The following NCKAP5 variants were observed in gnomAD, a reference collection of about 807,000 sequenced individuals.
NCKAP5 encodes the protein NCK associated protein 5.
Under a neutral mutation model 167.0 loss-of-function variants are expected in NCKAP5, and 92 were observed. That is an observed-to-expected ratio of 0.55 (90% CI 0.47 to 0.66). The LOEUF (loss-of-function observed/expected upper bound fraction) is 0.66, where lower values mean the gene tolerates loss of function less well. Among genes scored for constraint, NCKAP5 ranks in the 30% least tolerant of loss-of-function variants. NCKAP5 has a pLI of 0.00. For missense variants in NCKAP5, 2,378 were observed against 2,315.0 expected (o/e 1.03, Z -0.56); for synonymous variants, 891 against 877.4 (o/e 1.02, Z -0.27).
intron 4 of NCKAP5, among the ~76,000 whole-genome samples, chr2:133,223,671 A>G (rs2086758060): frequency 6.6e-6 from 1 of 152,172 alleles, no homozygotes; most frequent in South Asian, 2.1e-4. Flanking sequence ...AAACTTTAAA[A>G]CAGCAACAAA....
chr2:132,700,737 G>T (rs1558941070), intron 19 of NCKAP5, among the ~76,000 whole-genome samples: 1 of 152,162 alleles, frequency 6.6e-6, no homozygotes, highest in Non-Finnish European at 1.5e-5. Context: ...GCCAGGCAAT[G>T]AGTAAGAAAT....
At chr2:133,584,263 T>C in the NCKAP5 span, among the ~76,000 whole-genome samples, 9 of 152,330 alleles carry the variant, frequency 5.9e-5, no homozygotes, top group East Asian at 1.7e-3. Context: ...AAGAAAGCTC[T>C]GCACTTTTCA....
At chr2:133,010,679 T>C (rs748078226) in intron 6 of NCKAP5, among the ~76,000 whole-genome samples, 40 of 152,328 alleles carry the variant, frequency 2.6e-4, no homozygotes, top group Middle Eastern at 6.8e-3. Flanking sequence ...CCAATACCAA[T>C]AACCACAACA....
intron 3 of NCKAP5, among the ~76,000 whole-genome samples, chr2:133,462,911 C>T (rs1311118267): frequency 6.6e-6 from 1 of 152,176 alleles, no homozygotes; most frequent in Non-Finnish European, 1.5e-5. Context: ...GCTGAGCCAG[C>T]CCTCTCATTA....
intron 3 of NCKAP5, among the ~76,000 whole-genome samples, chr2:133,330,244 ATTTTTTTTTT>A (rs765058418): frequency 2.3e-5 from 2 of 88,152 alleles, no homozygotes; most frequent in East Asian, 6.6e-4. Context: ...TATTTTTTGT[ATTTTTTTTTT>A]TTTTTTTTTT....
At chr2:132,932,444 C>A (rs993663502) in intron 8 of NCKAP5, among the ~76,000 whole-genome samples, 9 of 151,990 alleles carry the variant, frequency 5.9e-5, no homozygotes, top group African/African-American at 2.2e-4. Context: ...GAGTGAAAAG[C>A]AATTTTAAAA....
At chr2:133,121,046 C>T (rs2082234455) in intron 6 of NCKAP5, among the ~76,000 whole-genome samples, 2 of 152,052 alleles carry the variant, frequency 1.3e-5, no homozygotes, top group African/African-American at 4.8e-5. Flanking sequence ...CCTGGATAGG[C>T]AGCGACCTTT....
At chr2:132,810,169 G>A (rs565940364) in intron 11 of NCKAP5, among the ~76,000 whole-genome samples, 1 of 152,158 alleles carries the variant, frequency 6.6e-6, no homozygotes, top group Non-Finnish European at 1.5e-5. Context: ...AATCTTATAG[G>A]CTTTCCTTTC....
At chr2:133,464,837 G>A (rs1224991747) in intron 3 of NCKAP5, among the ~76,000 whole-genome samples, 1 of 152,004 alleles carries the variant, frequency 6.6e-6, no homozygotes, top group Non-Finnish European at 1.5e-5. Context: ...TTCAACTTAA[G>A]AAGAGAACTT....
intron 5 of NCKAP5, among the ~76,000 whole-genome samples, chr2:133,131,578 G>A (rs2082603676): frequency 1.3e-5 from 2 of 152,020 alleles, no homozygotes; most frequent in South Asian, 4.1e-4. Flanking sequence ...TTCTGAAGCT[G>A]GCCTTTTGCT....
chr2:132,741,482 C>A (rs545208483), intron 16 of NCKAP5, among the ~76,000 whole-genome samples: 17 of 152,042 alleles, frequency 1.1e-4, no homozygotes, highest in South Asian at 6.2e-4. Context: ...CTTAGGAACT[C>A]ACAGTTGGAT....
intron 4 of NCKAP5, among the ~76,000 whole-genome samples, chr2:133,240,910 C>T (rs1409146303): frequency 6.6e-6 from 1 of 152,186 alleles, no homozygotes; most frequent in Non-Finnish European, 1.5e-5. Flanking sequence ...CATTCTGTTT[C>T]TTGCATTCAC....
intron 2 of NCKAP5, among the ~76,000 whole-genome samples, chr2:133,544,084 T>C (rs2104902587): frequency 6.6e-6 from 1 of 152,358 alleles, no homozygotes; most frequent in Non-Finnish European, 1.5e-5. Context: ...GATTTGTATC[T>C]TAACAGCGTT....
At chr2:132,969,961 T>C (rs1461193373) in intron 7 of NCKAP5, among the ~76,000 whole-genome samples, 1 of 152,188 alleles carries the variant, frequency 6.6e-6, no homozygotes, top group Non-Finnish European at 1.5e-5. Flanking sequence ...CATTAGAATA[T>C]AAGGTAACAT....
intron 8 of NCKAP5, among the ~76,000 whole-genome samples, chr2:132,952,273 T>A (rs1430521388): frequency 1.3e-5 from 2 of 152,232 alleles, no homozygotes; most frequent in African/African-American, 2.4e-5. Flanking sequence ...TAGTCCTTGA[T>A]GCATTGGCCT....
intron 3 of NCKAP5, among the ~76,000 whole-genome samples, chr2:133,446,782 G>A (rs1691221525): frequency 6.6e-6 from 1 of 152,172 alleles, no homozygotes; most frequent in Admixed American, 6.5e-5. Context: ...TAATGGAGGA[G>A]ATGAGACAAC....
chr2:133,086,850 A>G (rs1206675134), intron 6 of NCKAP5, among the ~76,000 whole-genome samples: 1 of 152,214 alleles, frequency 6.6e-6, no homozygotes, highest in African/African-American at 2.4e-5. Context: ...GGGGGCAAGA[A>G]GGAGATCTGA....
At chr2:133,238,143 C>CA (rs879618811) in intron 4 of NCKAP5, among the ~76,000 whole-genome samples, 5 of 152,124 alleles carry the variant, frequency 3.3e-5, no homozygotes, top group Non-Finnish European at 7.4e-5. Context: ...TAGTTTTTCT[C>CA]AAAAAAGTGA....
At chr2:133,060,867 C>T (rs1444681230) in intron 6 of NCKAP5, among the ~76,000 whole-genome samples, 3 of 152,120 alleles carry the variant, frequency 2.0e-5, no homozygotes, top group Non-Finnish European at 4.4e-5. Context: ...CCCTAGTGGG[C>T]TTCATCATTC....
Sources: gnomAD v4.1 joint callset for allele counts (sites outside exome capture counted in the v4.1 genomes callset) on GRCh38, gnomAD v4.1.1 for gene constraint, MANE v1.5 for transcripts, NCBI Gene and HGNC (gene_info 2026-07-23, HGNC 2026-07-21) for gene names.